COP1: variants seen among roughly 807,000 people sequenced by gnomAD.
The protein encoded by COP1 is COP1 E3 ubiquitin ligase.
Under a neutral mutation model 101.3 loss-of-function variants are expected in COP1, and 24 were observed. That is an observed-to-expected ratio of 0.24 (90% CI 0.17 to 0.33). The LOEUF is 0.33. Ranked by LOEUF, COP1 falls within the 10% of genes least tolerant of loss-of-function variation. COP1 has a pLI of 1.00. For synonymous variants in COP1, 347 were observed against 341.9 expected (o/e 1.01, Z -0.17); for missense variants, 663 against 906.2 (o/e 0.73, Z 3.45).
intron 15 of COP1, among the ~76,000 whole-genome samples, chr1:175,996,553 C>G (rs1326764267): frequency 6.6e-6 from 1 of 151,958 alleles, no homozygotes; most frequent in Non-Finnish European, 1.5e-5. Flanking sequence ...AGCAAAGTCT[C>G]AGGATACAAA....
intron 11 of COP1, among the ~76,000 whole-genome samples, chr1:176,080,736 T>A (rs1172478073): frequency 6.6e-6 from 1 of 152,174 alleles, no homozygotes. Context: ...GATAACCTGA[T>A]TAACCCTAAA....
intron 15 of COP1, among the ~76,000 whole-genome samples, chr1:176,024,557 C>T (rs1019081635): frequency 8.5e-5 from 13 of 152,184 alleles, no homozygotes; most frequent in Non-Finnish European, 1.8e-4. Context: ...GGACTAAACG[C>T]TCTTCACGTA....
In COP1 at chr1:176,081,303, A is replaced by G; in HGVS notation, c.1142-16T>C. The G allele has an allele frequency of 6.4e-7, 1 of 1,572,992 alleles. No individual in the cohort carries two copies. Among genetic ancestry groups the G allele is most frequent in the Non-Finnish European group, 8.6e-7 (1 of 1,166,306 alleles). On this transcript the variant is annotated splice_polypyrimidine_tract_variant and intron_variant, in intron 10 of 19. Coordinates refer to ENST00000367669, the MANE Select transcript of COP1 (RefSeq NM_022457.7). ...CGACTGTCATCTATATGAAAAAAAA[A>G]AAAAAAAGACAAAACAGATGAATTG...
chr1:176,128,814 CAAT>C (rs1305445917), intron 8 of COP1, among the ~76,000 whole-genome samples: 1 of 151,480 alleles, frequency 6.6e-6, no homozygotes, highest in Non-Finnish European at 1.5e-5. Flanking sequence ...GTTGTTGAAC[CAAT>C]AATAACTGCC....
intron 11 of COP1, 93 bp downstream of exon 11, chr1:176,081,059 A>C (rs981725924): frequency 6.1e-6 from 7 of 1,153,796 alleles, no homozygotes; most frequent in Admixed American, 2.5e-5. Context: ...TTCAGAACCC[A>C]CGCTTTTAAT....
chr1:176,046,927 C>T (rs1418979305), intron 11 of COP1, among the ~76,000 whole-genome samples: 5 of 152,020 alleles, frequency 3.3e-5, no homozygotes, highest in African/African-American at 4.8e-5. Context: ...AATACACATT[C>T]CTCATATCAC....
intron 8 of COP1, among the ~76,000 whole-genome samples, chr1:176,134,532 G>A (rs1297869674): frequency 6.6e-6 from 1 of 151,906 alleles, no homozygotes; most frequent in Non-Finnish European, 1.5e-5. Context: ...ATAATAAGTA[G>A]TTATAAGAAA....
At chr1:175,969,832 C>A (rs1043015556) in intron 18 of COP1, among the ~76,000 whole-genome samples, 1 of 152,016 alleles carries the variant, frequency 6.6e-6, no homozygotes, top group African/African-American at 2.4e-5. Flanking sequence ...TACTATATAA[C>A]CTTAATTTCT....
chr1:176,185,698 A>C (rs1402712287), intron 1 of COP1, among the ~76,000 whole-genome samples: 2 of 152,226 alleles, frequency 1.3e-5, no homozygotes, highest in Non-Finnish European at 2.9e-5. Context: ...ACCTTAAGCT[A>C]GGAAGAAAGG....
chr1:175,999,895 TTA>T (rs1661183706), intron 15 of COP1, among the ~76,000 whole-genome samples: 2 of 152,168 alleles, frequency 1.3e-5, no homozygotes, highest in African/African-American at 2.4e-5. Context: ...AGTTTGCCAT[TTA>T]TATGTCTTCT....
chr1:176,151,389 G>GAA (rs975107950), intron 5 of COP1, among the ~76,000 whole-genome samples: 2 of 122,134 alleles, frequency 1.6e-5, no homozygotes, highest in African/African-American at 5.2e-5. Context: ...AAGAAAGAAA[G>GAA]AAAGAAAGAA....
At chr1:176,059,132 C>T (rs943516156) in intron 11 of COP1, among the ~76,000 whole-genome samples, 3 of 152,198 alleles carry the variant, frequency 2.0e-5, no homozygotes, top group Non-Finnish European at 4.4e-5. Flanking sequence ...CTTTACTTTC[C>T]ACAGAGCCCT....
Position 176,184,793 on chromosome 1 carries a change from C to T in COP1, c.408-101G>A. The T allele has an allele frequency of 6.5e-6, 5 of 771,234 alleles. No homozygotes were observed. The Admixed American group carries it at 7.1e-5, about 11-fold the overall frequency. The allele number at this position is 771,234 out of a possible 1,614,324, so 47.8% of individuals were successfully genotyped here. A position where few individuals can be genotyped will look rare whatever the true frequency, so the allele number is the denominator to read the frequency against. ...ACCAATGAAATCATATTTCAATATA[C>T]AGTTTAGAGCTAAGTCTATAAACAT... is the stretch of plus-strand genomic sequence containing the variant. On this transcript the variant is annotated intron_variant, in intron 1 of 19. Transcript: ENST00000367669.
At chr1:176,176,184 A>C (rs1430521925) in intron 2 of COP1, among the ~76,000 whole-genome samples, 177 bp from the exon 3 acceptor site, 2 of 152,216 alleles carry the variant, frequency 1.3e-5, no homozygotes, top group East Asian at 3.8e-4. Flanking sequence ...CTTACTGGGT[A>C]AACACTACAC....
At chr1:176,100,712 G>C (rs1446709240) in intron 9 of COP1, among the ~76,000 whole-genome samples, 3 of 152,106 alleles carry the variant, frequency 2.0e-5, no homozygotes, top group South Asian at 4.1e-4. Context: ...CCAAAGACAA[G>C]AACTATGCAC....
chr1:176,070,845 G>T (rs540115040), intron 11 of COP1, among the ~76,000 whole-genome samples: 6 of 152,020 alleles, frequency 3.9e-5, no homozygotes, highest in Non-Finnish European at 7.4e-5. Context: ...TAGAAATGAG[G>T]TCTTGCTATG....
intron 19 of COP1, among the ~76,000 whole-genome samples, chr1:175,946,635 T>C (rs1471040405): frequency 4.6e-5 from 7 of 152,242 alleles, no homozygotes; most frequent in Non-Finnish European, 5.9e-5. Flanking sequence ...ATCAATTTTC[T>C]TTCCTTTTTT....
At chr1:176,098,909 C>A (rs902823488) in intron 9 of COP1, among the ~76,000 whole-genome samples, 1 of 152,062 alleles carries the variant, frequency 6.6e-6, no homozygotes, top group Non-Finnish European at 1.5e-5. Context: ...AAACAGAACA[C>A]GTTTACTTAC....
At chr1:176,002,513 C>G (rs1055357575) in intron 15 of COP1, among the ~76,000 whole-genome samples, 7 of 145,776 alleles carry the variant, frequency 4.8e-5, no homozygotes, top group East Asian at 2.0e-4. Context: ...CCTTCCCCCC[C>G]ACCCCACAAC....
Sources: allele counts gnomAD v4.1 joint callset (sites outside exome capture counted in the v4.1 genomes callset), GRCh38; gene constraint gnomAD v4.1.1; transcripts MANE v1.5; gene names NCBI Gene and HGNC (gene_info 2026-07-23, HGNC 2026-07-21).